UROS: variants seen among roughly 807,000 people sequenced by gnomAD.
UROS encodes the protein uroporphyrinogen-III synthase.
In UROS, 18 loss-of-function variants were observed where a neutral mutation model predicts 33.0. The ratio of observed to expected loss-of-function variants is 0.55; its 90% CI spans 0.38 to 0.81. The LOEUF (loss-of-function observed/expected upper bound fraction) is 0.81. UROS is among the 30% of genes least tolerant of loss of function. The pLI is 0.00. For missense variants in UROS, 293 were observed against 314.9 expected (o/e 0.93, Z 0.53); for synonymous variants, 114 against 121.1 (o/e 0.94, Z 0.38).
downstream of UROS, among the ~76,000 whole-genome samples, chr10:125,786,253 T>C (rs1348900937): frequency 1.3e-5 from 2 of 151,642 alleles, no homozygotes; most frequent in Admixed American, 6.6e-5. Context: ...GGCCTTTCTA[T>C]AGGGCTGTAC....
At chr10:125,806,392 T>C (rs1852338450) in intron 6 of UROS, among the ~76,000 whole-genome samples, 2 of 152,204 alleles carry the variant, frequency 1.3e-5, no homozygotes, top group South Asian at 4.1e-4. Flanking sequence ...TGGGACCACC[T>C]TAGAGGAAAC....
rs148991894 is a variant in UROS, at chr10:125,802,008, C to T, written c.395-3863G>A. ...TATTAAAGAGCTAATTGTCAGCCAC[C>T]CATAGAAATAATTACTATTCTTTGT... On this transcript the variant is annotated intron_variant, in intron 6 of 9. Transcript: ENST00000368797. The T allele has an allele frequency of 3.4e-3, 3,393 of 985,140 alleles. 8 individuals are homozygous for T. Among genetic ancestry groups the T allele is most frequent in the Non-Finnish European group, 3.9e-3 (3,247 of 829,678 alleles). 61.0% of individuals were successfully genotyped at this position (985,140 alleles called of 1,614,324 possible).
At chr10:125,791,738 T>C (rs1850948670) in intron 9 of UROS, 1 of 152,168 alleles carries the variant, frequency 6.6e-6, no homozygotes, top group Non-Finnish European at 1.5e-5. Flanking sequence ...ACTGTATGAT[T>C]CTATTAATAT....
At chr10:125,799,170 A>T (rs1170381310) in intron 6 of UROS, among the ~76,000 whole-genome samples, 2 of 152,240 alleles carry the variant, frequency 1.3e-5, no homozygotes, top group Non-Finnish European at 2.9e-5. Flanking sequence ...ACTTAATTTC[A>T]AGTGTATAAA....
intron 1 of UROS, among the ~76,000 whole-genome samples, chr10:125,822,644 G>C (rs901534142): frequency 6.6e-5 from 10 of 152,138 alleles, no homozygotes; most frequent in African/African-American, 2.4e-4. Flanking sequence ...TTTTAGCAGA[G>C]ATGAGGTTTT....
intron 6 of UROS, among the ~76,000 whole-genome samples, chr10:125,804,523 G>A (rs1852145622): frequency 6.6e-6 from 1 of 152,198 alleles, no homozygotes; most frequent in Non-Finnish European, 1.5e-5. Context: ...GAGAACTCCT[G>A]ACTTGTAGCC....
At chr10:125,810,559 G>T (rs1852717043) in intron 5 of UROS, among the ~76,000 whole-genome samples, 1 of 152,208 alleles carries the variant, frequency 6.6e-6, no homozygotes, top group African/African-American at 2.4e-5. Context: ...GAAACATTGA[G>T]ATGATAAATG....
At position 125,788,920 on chromosome 10, in the gene UROS, TGTGGC is replaced by T; in HGVS notation, c.741_745del (p.Pro248SerfsTer57). On this transcript the variant is annotated frameshift_variant, in exon 10 of 10. Transcript: ENST00000368797. LOFTEE classifies it low-confidence loss of function (END_TRUNC). ...CTTCCTGATGCCAGTGGCCAGGGCT[TGTGGC>T]GTGGGGCTCTCTGCAGTGCAGCTTA... The T allele has an allele frequency of 6.2e-7, 1 of 1,608,518 alleles. No individual in the cohort carries two copies. Among genetic ancestry groups the T allele is most frequent in the East Asian group, 2.2e-5 (1 of 44,704 alleles).
intron 7 of UROS, 32 bp from the exon 8 acceptor site, chr10:125,796,220 C>T: frequency 6.2e-7 from 1 of 1,607,080 alleles, no homozygotes; most frequent in Non-Finnish European, 8.5e-7. Flanking sequence ...AAAGACTTTA[C>T]CGCACTGGGC....
chr10:125,796,718 AT>A, intron 7 of UROS: 8 of 905,402 alleles, frequency 8.8e-6, no homozygotes, highest in Non-Finnish European at 1.1e-5. Flanking sequence ...TCCCTGTGCC[AT>A]TCAGCGACTC....
rs1406962954 is a variant in UROS, at chr10:125,794,902, C to A, written c.638G>T (p.Gly213Val). 1 of 1,613,928 alleles carries A rather than the reference C, an allele frequency of 6.2e-7. No homozygotes were observed. Among genetic ancestry groups the A allele is most frequent in the Non-Finnish European group, 8.5e-7 (1 of 1,179,918 alleles). Residue 213 changes from glycine to valine, a missense_variant, in exon 9 of 10, where the codon GGT (glycine) becomes GTT (valine). Physicochemically the swap from Gly to Val is moderately radical, Grantham distance 109. Transcript: ENST00000368797. ...YSLKHIQELS[G>V]DNIDQIKFAA... ...TACCTTAATTTGATCGATATTGTCA[C>A]CAGATAACTCCTGAATGTGCTTGAG... is the stretch of plus-strand genomic sequence containing the variant.
In UROS at chr10:125,807,322, T is replaced by G. The variant is rs1852420592; in HGVS notation, c.394+91A>C. 7 of 1,100,178 alleles carry G rather than the reference T, an allele frequency of 6.4e-6. No individual in the cohort carries two copies. The South Asian group carries it at 9.0e-5, about 14-fold the overall frequency. The allele number at this position is 1,100,178 out of a possible 1,614,324, so 68.2% of individuals were successfully genotyped here. A position where few individuals can be genotyped will look rare whatever the true frequency, so the allele number is the denominator to read the frequency against. ...CACCAATCAATCTCACCACCAAGAA[T>G]GCACTGAGGAAATATTCTTTTCCCT... On this transcript the variant is annotated intron_variant, in intron 6 of 9. Transcript: ENST00000368797.
chr10:125,789,102 G>A (rs982313742), intron 9 of UROS, 97 bp from the exon 10 acceptor site: 20 of 1,511,614 alleles, frequency 1.3e-5, no homozygotes, highest in African/African-American at 1.2e-4. Context: ...CCAGCTTTGC[G>A]GTTGGACGTT....
At chr10:125,807,527 T>C (rs2133899975) in intron 5 of UROS, 40 bp from the exon 6 acceptor site, 1 of 1,511,420 alleles carries the variant, frequency 6.6e-7, no homozygotes, top group Non-Finnish European at 9.2e-7. Context: ...AACACGGTTA[T>C]TGAAGTCCTT....
downstream of UROS, among the ~76,000 whole-genome samples, chr10:125,788,369 G>A (rs906911280): frequency 3.3e-5 from 5 of 152,142 alleles, no homozygotes; most frequent in African/African-American, 7.2e-5. Flanking sequence ...GCATCTTTGA[G>A]GGAAAGCAAG....
At chr10:125,822,805 T>C (rs1228749431) in intron 1 of UROS, among the ~76,000 whole-genome samples, 1 of 152,110 alleles carries the variant, frequency 6.6e-6, no homozygotes, top group Non-Finnish European at 1.5e-5. Flanking sequence ...AAAAAACTTT[T>C]AGGTCAAGAA....
intron 4 of UROS, among the ~76,000 whole-genome samples, chr10:125,812,799 TAACA>T (rs1199280528): frequency 7.2e-5 from 11 of 152,190 alleles, no homozygotes. Context: ...TCAGGTCAAT[TAACA>T]AACACAATTT....
chr10:125,815,070 C>T lies in UROS; in HGVS notation c.208G>A (p.Ala70Thr). 2 of 1,614,210 alleles carry T rather than the reference C, an allele frequency of 1.2e-6. No homozygotes were observed. Among genetic ancestry groups the T allele is most frequent in the African/African-American group, 1.3e-5 (1 of 75,056 alleles). The change falls in exon 4 of 10, where the codon GCA becomes ACA. Residue 70 changes from alanine to threonine, a missense_variant. Transcript: ENST00000368797. The stretch of plus-strand genomic sequence containing the variant: ...TTGTTTTGCTCCAAACATAACTCTG[C>T]TGCTTCCACTGCTCTGGGGCTGGTA... ...IFTSPRAVEA[A>T]ELCLEQNNKT...
intron 9 of UROS, among the ~76,000 whole-genome samples, chr10:125,794,671 T>G (rs1851197416): frequency 1.3e-5 from 2 of 152,032 alleles, no homozygotes; most frequent in South Asian, 4.1e-4. Context: ...GAGAGACAAT[T>G]ATCCCCATGC....
Sources: gnomAD v4.1 joint callset for allele counts (sites outside exome capture counted in the v4.1 genomes callset) on GRCh38, gnomAD v4.1.1 for gene constraint, MANE v1.5 for transcripts, NCBI Gene and HGNC (gene_info 2026-07-23, HGNC 2026-07-21) for gene names.